Variants in EIF2AK4 observed in about 807,000 individuals in gnomAD.
The protein encoded by EIF2AK4 is eIF-2-alpha kinase GCN2.
EIF2AK4 carries 139 observed loss-of-function variants against 211.1 expected under a neutral mutation model. The observed-to-expected ratio is 0.66, with a 90% confidence interval of 0.57 to 0.76. EIF2AK4 has a LOEUF of 0.76. EIF2AK4 is among the 30% of genes least tolerant of loss of function. The probability of loss-of-function intolerance (pLI) is 0.00; values close to 1 mark genes in which losing one functional copy is unlikely to be tolerated. For synonymous variants in EIF2AK4, 710 were observed against 751.3 expected (o/e 0.94, Z 0.90); for missense variants, 1,664 against 2,043.8 (o/e 0.81, Z 3.58).
intron 6 of EIF2AK4, among the ~76,000 whole-genome samples, chr15:39,957,284 T>C (rs1191315035): frequency 6.6e-6 from 1 of 152,198 alleles, no homozygotes; most frequent in Non-Finnish European, 1.5e-5. Flanking sequence ...AGATCAGAGA[T>C]AGCACGCTGG....
rs369621429 is a variant in EIF2AK4, at chr15:39,976,563, C to T, written c.1968C>T (p.Ile656=). ...TTGTGCGCTACTACAACGCCTGGAT[C>T]GAGCGGCACGAGCGGCCGGCGGGAC... ...ENIVRYYNAW[I]ERHERPAGPG... Residue 656 remains isoleucine (I), a synonymous_variant, in exon 12 of 39, where the codon ATC becomes ATT. Transcript: ENST00000263791. The T allele has an allele frequency of 2.2e-4, 360 of 1,611,996 alleles. 1 individual carries two copies. In the African/African-American group the frequency reaches 4.4e-3, roughly 20 times the overall value.
rs1452688571 is a variant in EIF2AK4 at position 39,986,250 on chromosome 15, CAT to C, written c.2403+363_2403+364del. Among the ~76,000 whole-genome samples the C allele has an allele frequency of 2.0e-5, 3 of 152,342 alleles. No individual in the cohort carries two copies. The East Asian group carries it at 5.8e-4, about 29-fold the overall frequency. ...TTATAGACTTGTAAAGAATAAATAA[CAT>C]GTGAAGTACTTAGAACCATATCTGA... On this transcript the variant is annotated intron_variant, in intron 14 of 38. Coordinates refer to ENST00000263791, the MANE Select transcript of EIF2AK4 (RefSeq NM_001013703.4).
intron 29 of EIF2AK4, 68 bp from the exon 30 acceptor site, chr15:40,019,025 C>A: frequency 4.2e-6 from 5 of 1,186,726 alleles, no homozygotes; most frequent in Non-Finnish European, 6.1e-6. Flanking sequence ...ACTCTTTAAT[C>A]ATTGTTTTCC....
chr15:40,026,694 T>C (rs562508837), intron 33 of EIF2AK4, among the ~76,000 whole-genome samples: 1 of 152,208 alleles, frequency 6.6e-6, no homozygotes, highest in African/African-American at 2.4e-5. Flanking sequence ...CATTATCTTA[T>C]TCAGTCTGCT....
At chr15:40,010,770 T>C (rs527705184) in intron 26 of EIF2AK4, among the ~76,000 whole-genome samples, 2 of 152,300 alleles carry the variant, frequency 1.3e-5, no homozygotes, top group South Asian at 4.1e-4. Context: ...TTCTTAGTGG[T>C]TCTTTACTCC....
rs35994771 is a variant in EIF2AK4 at position 39,939,914 on chromosome 15, G to GA, written c.257+301dup. On this transcript the variant is annotated intron_variant, in intron 2 of 38. Transcript: ENST00000263791. ...TTATTTCTTCATAAGTTAGGAAGAG[G>GA]AAAATTTGGAAGAAAACAATAAAGG... Among the ~76,000 whole-genome samples the GA allele has an allele frequency of 0.42, 64,257 of 152,010 alleles. 16,261 individuals carry two copies. Among genetic ancestry groups the GA allele is most frequent in the East Asian group, 0.85 (4,376 of 5,172 alleles).
intron 13 of EIF2AK4, among the ~76,000 whole-genome samples, chr15:39,979,593 T>C (rs536702767): frequency 1.3e-5 from 2 of 152,354 alleles, no homozygotes; most frequent in East Asian, 1.9e-4. Flanking sequence ...TAAAATGTAC[T>C]GACAAATTTT....
In EIF2AK4 at chr15:40,032,147, A is replaced by T. The variant is rs751687564; in HGVS notation, c.4660-22A>T. On this transcript the variant is annotated intron_variant, in intron 35 of 38. Coordinates refer to ENST00000263791, the MANE Select transcript of EIF2AK4 (RefSeq NM_001013703.4). ...GATGGCTTGGTTTAACATGTTCTGAATTCCATTTTCTTACTATTTAGGTAC... is the reference window on the plus strand; with the variant it reads ...GATGGCTTGGTTTAACATGTTCTGATTTCCATTTTCTTACTATTTAGGTAC... 1.1e-5 allele frequency: 17 copies of T among 1,597,902 alleles called. No individual in the cohort carries two copies. In the South Asian group the frequency reaches 1.8e-4, roughly 17 times the overall value.
At chr15:39,962,124 G>A (rs1236185449) in intron 7 of EIF2AK4, among the ~76,000 whole-genome samples, 2 of 152,106 alleles carry the variant, frequency 1.3e-5, no homozygotes, top group Non-Finnish European at 2.9e-5. Flanking sequence ...TCTGGGCACC[G>A]TGGCTATGCC....
chr15:39,966,758 T>A (rs1365638447), intron 8 of EIF2AK4, among the ~76,000 whole-genome samples: 2 of 152,206 alleles, frequency 1.3e-5, no homozygotes, highest in African/African-American at 4.8e-5. Context: ...CACTGGGTGG[T>A]GACCACATAG....
chr15:39,976,901 A>C (rs948720923), intron 12 of EIF2AK4, 57 bp downstream of exon 12: 7 of 1,359,448 alleles, frequency 5.1e-6, no homozygotes, highest in African/African-American at 1.5e-5. Flanking sequence ...TCCTTTCTTT[A>C]TTTTTTTTTC....
chr15:39,996,167 A>G (rs984907084), intron 18 of EIF2AK4, among the ~76,000 whole-genome samples: 1 of 152,172 alleles, frequency 6.6e-6, no homozygotes, highest in East Asian at 1.9e-4. Context: ...AGGTTCATCT[A>G]TGTTGTCACA....
In EIF2AK4 at chr15:40,016,516, C is replaced by T; in HGVS notation, c.3774C>T (p.Tyr1258=). The T allele has an allele frequency of 6.2e-7, 1 of 1,614,128 alleles. No homozygotes were observed. Among genetic ancestry groups the T allele is most frequent in the Non-Finnish European group, 8.5e-7 (1 of 1,180,006 alleles). Reference sequence around the variant, plus strand: ...TTGCTTTCCAGCTGTGTCGACTCTACAAGTTTATTGAACAGAAGGGAGATT... The same window carrying T: ...TTGCTTTCCAGCTGTGTCGACTCTATAAGTTTATTGAACAGAAGGGAGATT... The part of the protein sequence containing the change: ...SLSSNSLCRL[Y]KFIEQKGDLQ... Residue 1258 remains tyrosine (Y), a synonymous_variant, in exon 28 of 39, where the codon TAC becomes TAT. Transcript: ENST00000263791.
At chr15:39,996,586 C>T (rs768538908) in intron 18 of EIF2AK4, among the ~76,000 whole-genome samples, 55 of 152,104 alleles carry the variant, frequency 3.6e-4, no homozygotes, top group Non-Finnish European at 7.4e-5. Flanking sequence ...TGGTGCACAC[C>T]TGTAGTCCCA....
chr15:39,971,053 A>G (rs2034617428), intron 9 of EIF2AK4, among the ~76,000 whole-genome samples: 1 of 152,224 alleles, frequency 6.6e-6, no homozygotes, highest in African/African-American at 2.4e-5. Flanking sequence ...TGTTTTAATT[A>G]TAGGTCAAGT....
chr15:39,960,742 C>CT (rs1473212496), intron 6 of EIF2AK4, among the ~76,000 whole-genome samples: 1 of 152,068 alleles, frequency 6.6e-6, no homozygotes, highest in Non-Finnish European at 1.5e-5. Flanking sequence ...AACTAATAGA[C>CT]TAAGATCCCA....
intron 38 of EIF2AK4, among the ~76,000 whole-genome samples, chr15:40,034,670 T>C (rs2035590853): frequency 6.6e-6 from 1 of 152,210 alleles, no homozygotes; most frequent in African/African-American, 2.4e-5. Flanking sequence ...ATTACAATTT[T>C]GTTCACCCAG....
intron 6 of EIF2AK4, among the ~76,000 whole-genome samples, chr15:39,956,535 CA>C (rs1422539705): frequency 1.3e-5 from 2 of 152,196 alleles, no homozygotes; most frequent in African/African-American, 4.8e-5. Context: ...AGTTGGCTGC[CA>C]GGGGTCCCCT....
At chr15:39,965,618 C>A in intron 7 of EIF2AK4, 68 bp from the exon 8 acceptor site, 3 of 1,568,470 alleles carry the variant, frequency 1.9e-6, no homozygotes, top group South Asian at 1.2e-5. Context: ...TGTATTACCC[C>A]CTCCCTTCCT....
Sources: allele counts gnomAD v4.1 joint callset (sites outside exome capture counted in the v4.1 genomes callset), GRCh38; gene constraint gnomAD v4.1.1; transcripts MANE v1.5; gene names NCBI Gene and HGNC (gene_info 2026-07-23, HGNC 2026-07-21).